The following MICAL3 variants were observed in gnomAD, a reference collection of about 807,000 sequenced individuals.
MICAL3 encodes the protein microtubule associated monooxygenase, calponin and LIM domain containing 3.
A neutral mutation model predicts 207.4 loss-of-function variants in MICAL3; 62 were observed. The observed-to-expected ratio is 0.30, with a 90% CI of 0.24 to 0.37. The LOEUF (loss-of-function observed/expected upper bound fraction) is 0.37, where lower values mean the gene tolerates loss of function less well. Ranked by LOEUF, MICAL3 falls within the 10% of genes least tolerant of loss-of-function variation. The probability of loss-of-function intolerance (pLI) is 1.00; values close to 1 mark genes in which losing one functional copy is unlikely to be tolerated. For synonymous variants in MICAL3, 1,077 were observed against 1,069.3 expected (o/e 1.01, Z -0.14); for missense variants, 2,368 against 2,635.6 (o/e 0.90, Z 2.22).
chr22:17,990,369 G>A (rs1921539317), intron 1 of MICAL3, among the ~76,000 whole-genome samples: 1 of 152,206 alleles, frequency 6.6e-6, no homozygotes, highest in South Asian at 2.1e-4. Context: ...CTGGATGACA[G>A]GAAGCCCCAA....
chr22:17,884,855 A>C (rs1370303028), intron 16 of MICAL3, among the ~76,000 whole-genome samples: 1 of 152,178 alleles, frequency 6.6e-6, no homozygotes, highest in Non-Finnish European at 1.5e-5. Flanking sequence ...TGCAAAGACT[A>C]GATGTGGGAG....
At chr22:17,880,492 C>T (rs998492143) in intron 16 of MICAL3, among the ~76,000 whole-genome samples, 1 of 152,216 alleles carries the variant, frequency 6.6e-6, no homozygotes, top group Non-Finnish European at 1.5e-5. Flanking sequence ...AAATCAGTCA[C>T]GTTAATACGG....
At chr22:17,825,768 C>T (rs193287695) in intron 22 of MICAL3, among the ~76,000 whole-genome samples, 1 of 152,252 alleles carries the variant, frequency 6.6e-6, no homozygotes, top group Non-Finnish European at 1.5e-5. Flanking sequence ...CTCCAAGGGC[C>T]GAGGCCAAGA....
chr22:18,002,889 G>A (rs1282934956), intron 1 of MICAL3, among the ~76,000 whole-genome samples: 1 of 152,152 alleles, frequency 6.6e-6, no homozygotes, highest in Non-Finnish European at 1.5e-5. Context: ...GGGCGCGGTG[G>A]CTCACGCCTA....
intron 1 of MICAL3, among the ~76,000 whole-genome samples, chr22:17,939,448 C>T (rs1447872588): frequency 2.0e-5 from 3 of 152,244 alleles, no homozygotes; most frequent in Non-Finnish European, 4.4e-5. Flanking sequence ...TGCCCTCTCA[C>T]AAAGGTGCTG....
intron 11 of MICAL3, among the ~76,000 whole-genome samples, chr22:17,892,391 A>G (rs1010933475): frequency 6.5e-4 from 99 of 152,222 alleles, no homozygotes; most frequent in African/African-American, 2.3e-3. Flanking sequence ...GAATCTATGA[A>G]CTATTTATAT....
intron 1 of MICAL3, among the ~76,000 whole-genome samples, chr22:17,970,463 T>C (rs1935358479): frequency 6.6e-6 from 1 of 152,230 alleles, no homozygotes; most frequent in Non-Finnish European, 1.5e-5. Flanking sequence ...GGGAGTCAGA[T>C]AACAGAACTC....
intron 1 of MICAL3, among the ~76,000 whole-genome samples, chr22:17,978,590 T>A (rs112184090): frequency 6.6e-6 from 1 of 151,798 alleles, no homozygotes; most frequent in African/African-American, 2.4e-5. Context: ...CTCAGCTCAC[T>A]GTTACCTCCG....
rs748985825 is a variant in MICAL3, at chr22:17,887,215, G to C, written c.2022C>G (p.Asp674Glu). 6.2e-7 allele frequency: 1 copy of C among 1,613,588 alleles called. No homozygotes were observed. Among genetic ancestry groups the C allele is most frequent in the Non-Finnish European group, 8.5e-7 (1 of 1,179,748 alleles). Residue 674 changes from aspartate (D) to glutamate (E), a missense_variant, in exon 15 of 32, where the codon GAC (aspartate) becomes GAG (glutamate). This residue lies in a region of MICAL3 where 1,770 missense variants were observed against 1,863.2 expected (regional missense o/e 0.95). Transcript: ENST00000441493. ...KRSPKDKKEK[D>E]LDGAGKRRKT... is the part of the protein sequence containing the mutation. ...TTCTCCTCTTCCCAGCACCATCCAA[G>C]TCCTTTTCCTTTTTATCCTGTACCA... is the stretch of plus-strand genomic sequence containing the variant.
At chr22:17,884,960 G>A (rs967168209) in intron 16 of MICAL3, among the ~76,000 whole-genome samples, 2 of 152,210 alleles carry the variant, frequency 1.3e-5, no homozygotes, top group Non-Finnish European at 2.9e-5. Context: ...CGGAGAGAGA[G>A]AAGAGAAATT....
intron 1 of MICAL3, among the ~76,000 whole-genome samples, 198 bp downstream of exon 1, chr22:18,024,083 G>A (rs1470642373): frequency 6.6e-6 from 1 of 152,228 alleles, no homozygotes; most frequent in African/African-American, 2.4e-5. Context: ...CACGGATACT[G>A]GGTGTCTTTC....
At chr22:17,930,365 T>C (rs1007897276) in intron 1 of MICAL3, among the ~76,000 whole-genome samples, 10 of 152,220 alleles carry the variant, frequency 6.6e-5, no homozygotes, top group African/African-American at 2.4e-4. Context: ...AGAATGCTCA[T>C]TGCAGCTTTA....
chr22:17,892,070 T>C (rs1930437596), intron 11 of MICAL3, among the ~76,000 whole-genome samples: 1 of 152,106 alleles, frequency 6.6e-6, no homozygotes, highest in Admixed American at 6.5e-5. Context: ...AAGGCTCCAT[T>C]CTATAGGGTG....
chr22:17,845,321 T>TTGACGTGGG (rs1361438917), intron 19 of MICAL3, among the ~76,000 whole-genome samples: 4 of 152,184 alleles, frequency 2.6e-5, no homozygotes. Flanking sequence ...AGGCGTCTGT[T>TTGACGTGGG]TGACGTGGGT....
At chr22:17,834,711 G>A (rs1486882018) in intron 20 of MICAL3, among the ~76,000 whole-genome samples, 1 of 152,138 alleles carries the variant, frequency 6.6e-6, no homozygotes, top group Non-Finnish European at 1.5e-5. Flanking sequence ...TAAGAATCTG[G>A]GCCACGGAAA....
At chr22:17,869,883 G>C (rs1927534245) in intron 17 of MICAL3, among the ~76,000 whole-genome samples, 1 of 152,152 alleles carries the variant, frequency 6.6e-6, no homozygotes, top group African/African-American at 2.4e-5. Context: ...TGATGTGTTG[G>C]GGCGCAGCAC....
At chr22:17,977,547 A>AC (rs1444890833) in intron 1 of MICAL3, among the ~76,000 whole-genome samples, 1 of 151,964 alleles carries the variant, frequency 6.6e-6, no homozygotes, top group Non-Finnish European at 1.5e-5. Flanking sequence ...AAAAAAAAAA[A>AC]AAGACAGACA....
intron 1 of MICAL3, among the ~76,000 whole-genome samples, chr22:17,958,619 C>T (rs1187136540): frequency 3.9e-5 from 6 of 152,178 alleles, no homozygotes; most frequent in Non-Finnish European, 8.8e-5. Context: ...CAGTAGCCAG[C>T]AGGGCCAGAA....
At chr22:17,966,851 T>C (rs569493568) in intron 1 of MICAL3, among the ~76,000 whole-genome samples, 1 of 151,202 alleles carries the variant, frequency 6.6e-6, no homozygotes, top group African/African-American at 2.4e-5. Flanking sequence ...GCAGCTGCAA[T>C]TAATTGACAG....
Sources: gnomAD v4.1 joint callset for allele counts (sites outside exome capture counted in the v4.1 genomes callset) on GRCh38, gnomAD v4.1.1 for gene constraint, gnomAD v4.1.1 regional missense constraint, MANE v1.5 for transcripts, NCBI Gene and HGNC (gene_info 2026-07-23, HGNC 2026-07-21) for gene names.